The following SGCD variants were observed in gnomAD, a reference collection of about 807,000 sequenced individuals.
SGCD encodes sarcoglycan delta.
Under a neutral mutation model 36.6 loss-of-function variants are expected in SGCD, and 18 were observed. The observed-to-expected ratio is 0.49, with a 90% CI of 0.34 to 0.73. SGCD has a LOEUF of 0.73. Among genes scored for constraint, SGCD ranks in the 30% least tolerant of loss-of-function variants. The pLI, the probability that SGCD is intolerant of heterozygous loss-of-function variation, is 0.01. For missense variants in SGCD, 387 were observed against 346.7 expected (o/e 1.12, Z -0.92); for synonymous variants, 133 against 130.6 (o/e 1.02, Z -0.12).
intron 3 of SGCD, among the ~76,000 whole-genome samples, chr5:156,357,832 G>A (rs972125877): frequency 6.6e-6 from 1 of 152,170 alleles, no homozygotes. Flanking sequence ...TTTATTAAGT[G>A]GAGTACTTCC....
chr5:155,812,339 C>G, the SGCD span, among the ~76,000 whole-genome samples: 3 of 152,154 alleles, frequency 2.0e-5, no homozygotes, highest in African/African-American at 7.2e-5. Flanking sequence ...CCTGACTGCA[C>G]GTCCATTCAT....
intron 1 of SGCD, among the ~76,000 whole-genome samples, chr5:155,961,392 G>T (rs777117490): frequency 5.9e-5 from 9 of 151,928 alleles, no homozygotes; most frequent in Non-Finnish European, 1.3e-4. Context: ...TTCAACTGTA[G>T]CTTCAATTTT....
intron 3 of SGCD, among the ~76,000 whole-genome samples, chr5:156,506,766 G>A (rs900941102): frequency 1.3e-5 from 2 of 152,154 alleles, no homozygotes; most frequent in Non-Finnish European, 2.9e-5. Flanking sequence ...GGTGGAAGAT[G>A]TTAGATAGCC....
chr5:156,446,836 G>C (rs1444882953), intron 3 of SGCD, among the ~76,000 whole-genome samples: 1 of 152,132 alleles, frequency 6.6e-6, no homozygotes, highest in East Asian at 1.9e-4. Flanking sequence ...TAAAATCGTA[G>C]AATTTTAGAA....
At chr5:156,687,531 C>T (rs1753948804) in intron 7 of SGCD, among the ~76,000 whole-genome samples, 2 of 152,176 alleles carry the variant, frequency 1.3e-5, no homozygotes, top group African/African-American at 4.8e-5. Context: ...ATCGGAGACT[C>T]TCTTTCCTCA....
At chr5:155,756,940 C>T in the SGCD span, among the ~76,000 whole-genome samples, 1 of 152,170 alleles carries the variant, frequency 6.6e-6, no homozygotes, top group Admixed American at 6.5e-5. Flanking sequence ...TTGATTTTGT[C>T]TCAGGCTCCT....
chr5:155,786,787 G>A, the SGCD span, among the ~76,000 whole-genome samples: 25 of 152,254 alleles, frequency 1.6e-4, 1 homozygote, highest in East Asian at 1.9e-3. Flanking sequence ...GCCTTTCCAC[G>A]TTAATAGTCA....
rs570339668 is a variant in SGCD at position 156,052,635 on chromosome 5, A to G, written c.-281-65243A>G. 2.3e-4 allele frequency among the ~76,000 whole-genome samples: 34 copies of G among 146,110 alleles called. 3 individuals carry two copies. Among genetic ancestry groups the G allele is most frequent in the African/African-American group, 7.9e-4 (32 of 40,682 alleles). Reference sequence around the variant, plus strand: ...TGCAGATAGAAAATATATGTCGTATAAATGAGGACTCCTAGCAGGGCTGGC... The same window carrying G: ...TGCAGATAGAAAATATATGTCGTATGAATGAGGACTCCTAGCAGGGCTGGC... On this transcript the variant is annotated intron_variant, in intron 1 of 9. Coordinates refer to the SGCD transcript ENST00000517913.
At chr5:156,643,229 T>C (rs1462212696) in intron 6 of SGCD, among the ~76,000 whole-genome samples, 1 of 151,958 alleles carries the variant, frequency 6.6e-6, no homozygotes, top group Non-Finnish European at 1.5e-5. Context: ...ATGGGATTTC[T>C]CCATGTTGGT....
Position 156,714,831 on chromosome 5 carries a change from AT to A in SGCD, c.576-42742del, listed in dbSNP as rs941207792. On this transcript the variant is annotated intron_variant, in intron 7 of 8. Coordinates refer to ENST00000337851, the MANE Select transcript of SGCD (RefSeq NM_000337.6). ...AAGCCATTCAGAACACAAATCTTTTATTTTTTTTAATATGCATCCTTTCAGA... is the reference window on the plus strand; with the variant it reads ...AAGCCATTCAGAACACAAATCTTTTATTTTTTTAATATGCATCCTTTCAGA... 3.3e-5 allele frequency among the ~76,000 whole-genome samples: 5 copies of A among 151,918 alleles called. No homozygotes were observed. The East Asian group carries it at 7.7e-4, about 23-fold the overall frequency.
chr5:156,448,564 T>C (rs1753847313), intron 3 of SGCD, among the ~76,000 whole-genome samples: 1 of 152,066 alleles, frequency 6.6e-6, no homozygotes, highest in Admixed American at 6.6e-5. Flanking sequence ...TAGCCTCACA[T>C]TGCCTGGAAA....
At chr5:155,952,960 G>A (rs1261793972) in intron 1 of SGCD, among the ~76,000 whole-genome samples, 3 of 152,152 alleles carry the variant, frequency 2.0e-5, no homozygotes, top group Admixed American at 6.5e-5. Context: ...TTAGCTTTGG[G>A]TGGGGAAATG....
chr5:156,752,689 G>A (rs981286371), intron 7 of SGCD, among the ~76,000 whole-genome samples: 3 of 152,046 alleles, frequency 2.0e-5, no homozygotes, highest in African/African-American at 4.8e-5. Flanking sequence ...CTACCGTGCC[G>A]GCCAGCATTA....
chr5:156,043,879 C>T (rs902592467), intron 1 of SGCD, among the ~76,000 whole-genome samples: 4 of 152,080 alleles, frequency 2.6e-5, no homozygotes, highest in Non-Finnish European at 5.9e-5. Flanking sequence ...AAGGCAAATC[C>T]CAAATCTGTC....
chr5:155,979,965 C>A (rs1308031343), intron 1 of SGCD, among the ~76,000 whole-genome samples: 1 of 152,124 alleles, frequency 6.6e-6, no homozygotes, highest in Non-Finnish European at 1.5e-5. Context: ...ATTGATAACA[C>A]TCATGAGGGT....
intron 1 of SGCD, among the ~76,000 whole-genome samples, chr5:156,099,190 C>T (rs1180567611): frequency 6.6e-6 from 1 of 152,168 alleles, no homozygotes; most frequent in African/African-American, 2.4e-5. Context: ...TTTTTATCAC[C>T]TATGACAGTT....
chr5:156,182,483 C>T lies in SGCD; in HGVS notation c.-44+58464C>T, dbSNP rs184133793. ...GCACAGGCCTGTAGTCCCAGCTACT[C>T]GGGAGGCTGAGGTGGGAAGATCACT... On this transcript the variant is annotated intron_variant, in intron 3 of 9. Coordinates refer to the SGCD transcript ENST00000517913. Among the ~76,000 whole-genome samples, 245 of 152,132 alleles carry T rather than the reference C, an allele frequency of 1.6e-3. 1 individual carries two copies. Among genetic ancestry groups the T allele is most frequent in the African/African-American group, 5.0e-3 (207 of 41,516 alleles).
At chr5:156,071,712 T>C (rs1351568710) in intron 1 of SGCD, among the ~76,000 whole-genome samples, 7 of 152,218 alleles carry the variant, frequency 4.6e-5, no homozygotes, top group Non-Finnish European at 1.0e-4. Context: ...CATTGATCTG[T>C]CTAATGTTGA....
the SGCD span, among the ~76,000 whole-genome samples, chr5:155,861,510 G>A: frequency 2.6e-5 from 4 of 152,016 alleles, no homozygotes; most frequent in African/African-American, 9.7e-5. Context: ...AAAAAAGAAA[G>A]AGATCGAGAC....
Sources: gnomAD v4.1 joint callset for allele counts (sites outside exome capture counted in the v4.1 genomes callset) on GRCh38, gnomAD v4.1.1 for gene constraint, MANE v1.5 for transcripts, NCBI Gene and HGNC (gene_info 2026-07-23, HGNC 2026-07-21) for gene names.